Variants in SHISA9 observed in about 807,000 individuals in gnomAD.
The protein encoded by SHISA9 is protein shisa-9.
SHISA9 carries 13 observed loss-of-function variants against 38.0 expected under a neutral mutation model. That is an observed-to-expected ratio of 0.34 (90% CI 0.22 to 0.54). The LOEUF (loss-of-function observed/expected upper bound fraction) is 0.54. Among genes scored for constraint, SHISA9 ranks in the 20% least tolerant of loss-of-function variants. The pLI is 0.91. For missense variants in SHISA9, 538 were observed against 575.8 expected (o/e 0.93, Z 0.67); for synonymous variants, 275 against 242.0 (o/e 1.14, Z -1.27).
chr16:13,425,701 A>G, the SHISA9 span, among the ~76,000 whole-genome samples: 1 of 152,230 alleles, frequency 6.6e-6, no homozygotes, highest in South Asian at 2.1e-4. Context: ...TTTTAAAGAG[A>G]AAGAACCACT....
At chr16:13,233,452 T>C (rs542061500) in intron 4 of SHISA9, among the ~76,000 whole-genome samples, 1 of 152,332 alleles carries the variant, frequency 6.6e-6, no homozygotes, top group East Asian at 1.9e-4. Context: ...GGCCAAATAA[T>C]TCTACTTTTT....
the SHISA9 span, among the ~76,000 whole-genome samples, chr16:13,288,487 C>A: frequency 7.9e-5 from 12 of 151,688 alleles, no homozygotes; most frequent in Admixed American, 7.9e-4. Context: ...CAAAGAGAGA[C>A]AGAGAGAGAG....
chr16:13,343,180 T>A, the SHISA9 span, among the ~76,000 whole-genome samples: 1 of 152,316 alleles, frequency 6.6e-6, no homozygotes, highest in African/African-American at 2.4e-5. Context: ...ATAGAGAAAC[T>A]GGAAAACTTC....
the SHISA9 span, among the ~76,000 whole-genome samples, chr16:13,272,975 G>A: frequency 6.6e-6 from 1 of 151,958 alleles, no homozygotes; most frequent in Non-Finnish European, 1.5e-5. Flanking sequence ...GAACAACTGG[G>A]GTTATTGCTT....
chr16:13,127,437 G>GGA lies in SHISA9; in HGVS notation c.692-75948_692-75947dup, dbSNP rs761515363. Among the ~76,000 whole-genome samples the GGA allele has an allele frequency of 8.9e-4, 131 of 146,984 alleles. 2 individuals carry two copies. Among genetic ancestry groups the GGA allele is most frequent in the Non-Finnish European group, 2.4e-4 (16 of 66,280 alleles). On this transcript the variant is annotated intron_variant, in intron 2 of 4. Transcript: ENST00000558583. ...CAGAGGAGGAGGGAGAGAGGGATAG[G>GGA]GAGAGAGAGATCGAGGGAGGGAGAG...
In SHISA9 at chr16:12,992,289, C is replaced by G. The variant is rs184951636; in HGVS notation, c.691+75474C>G. On this transcript the variant is annotated intron_variant, in intron 2 of 4. Transcript: ENST00000558583. ...CTGTAATCCCCAGCACTTTGGGAGG[C>G]CGAGGCAGGTGGATCACTTGAGTTC... is the stretch of plus-strand genomic sequence containing the variant. Among the ~76,000 whole-genome samples the G allele has an allele frequency of 5.2e-4, 78 of 151,058 alleles. 1 individual carries two copies. The East Asian group carries it at 0.011, about 21-fold the overall frequency.
chr16:13,531,470 C>T, the SHISA9 span, among the ~76,000 whole-genome samples: 2 of 152,076 alleles, frequency 1.3e-5, no homozygotes, highest in Non-Finnish European at 2.9e-5. Flanking sequence ...TCAGAGAGGT[C>T]GAGTAATCTT....
chr16:13,195,476 G>C (rs1164717412), intron 2 of SHISA9, among the ~76,000 whole-genome samples: 3 of 152,156 alleles, frequency 2.0e-5, no homozygotes, highest in Non-Finnish European at 4.4e-5. Flanking sequence ...CTTCCATGAG[G>C]AATAATTCCA....
rs1280308690 is a variant in SHISA9, at chr16:13,236,996, G to C, written c.*1587G>C. 1 of 152,176 alleles carries C rather than the reference G, an allele frequency of 6.6e-6. No homozygotes were observed. Among genetic ancestry groups the C allele is most frequent in the Non-Finnish European group, 1.5e-5 (1 of 68,038 alleles). The allele number at this position is 152,176 out of a possible 1,614,324, so 9.4% of individuals were successfully genotyped here. A position where few individuals can be genotyped will look rare whatever the true frequency, so the allele number is the denominator to read the frequency against. ...TGTGTTTGTTTTGTGGAAGCCCAAA[G>C]AAGTGGATTGAGAGAGAAGAGATTT... On this transcript the variant is annotated 3_prime_UTR_variant, in exon 5 of 5. Transcript: ENST00000558583.
chr16:13,059,029 G>C (rs1321005507), intron 2 of SHISA9, among the ~76,000 whole-genome samples: 1 of 151,226 alleles, frequency 6.6e-6, no homozygotes. Context: ...TGAATGGTGT[G>C]TTCCCCCAAC....
At chr16:13,069,618 ATG>A (rs1280835940) in intron 2 of SHISA9, among the ~76,000 whole-genome samples, 7 of 152,232 alleles carry the variant, frequency 4.6e-5, no homozygotes, top group South Asian at 4.1e-4. Flanking sequence ...TGTACATGCA[ATG>A]TGTGTGTCTG....
the SHISA9 span, among the ~76,000 whole-genome samples, chr16:13,306,869 G>A: frequency 0.43 from 64,990 of 151,908 alleles, 14,381 homozygotes; most frequent in Admixed American, 0.54. Context: ...ACCCATACAC[G>A]TATGTATGTG....
At chr16:13,071,046 ATG>A (rs2073507603) in intron 2 of SHISA9, among the ~76,000 whole-genome samples, 1 of 152,136 alleles carries the variant, frequency 6.6e-6, no homozygotes, top group African/African-American at 2.4e-5. Flanking sequence ...AGGAACTAAC[ATG>A]TTCCACCTGC....
the SHISA9 span, among the ~76,000 whole-genome samples, chr16:13,317,674 A>C: frequency 6.6e-6 from 1 of 152,130 alleles, no homozygotes; most frequent in African/African-American, 2.4e-5. Flanking sequence ...GCCCTACCTC[A>C]CAGGGCTTGG....
intron 2 of SHISA9, among the ~76,000 whole-genome samples, chr16:13,007,972 A>G (rs1246524791): frequency 6.7e-6 from 1 of 150,264 alleles, no homozygotes. Flanking sequence ...TATTTCTTCT[A>G]CTCTCCTACA....
chr16:13,304,378 G>C, the SHISA9 span, among the ~76,000 whole-genome samples: 1 of 152,152 alleles, frequency 6.6e-6, no homozygotes, highest in East Asian at 1.9e-4. Flanking sequence ...TCCCACCTCA[G>C]CCTCCCAAGT....
intron 2 of SHISA9, among the ~76,000 whole-genome samples, chr16:12,925,658 A>G (rs2071384831): frequency 6.6e-6 from 1 of 152,200 alleles, no homozygotes; most frequent in African/African-American, 2.4e-5. Flanking sequence ...CTAAGTGCTC[A>G]ACACAGTGTC....
intron 2 of SHISA9, among the ~76,000 whole-genome samples, chr16:13,037,095 C>CAG (rs2073079735): frequency 5.6e-5 from 2 of 35,920 alleles, no homozygotes; most frequent in African/African-American, 2.9e-4. Context: ...ACACCACACA[C>CAG]ACACACACAC....
the SHISA9 span, among the ~76,000 whole-genome samples, chr16:13,367,701 C>CGTGT: frequency 1.5e-5 from 1 of 66,068 alleles, no homozygotes; most frequent in Admixed American, 1.7e-4. Flanking sequence ...TGTGCGTGCG[C>CGTGT]GCGCGCGCGC....
Sources: allele counts gnomAD v4.1 joint callset (sites outside exome capture counted in the v4.1 genomes callset), GRCh38; gene constraint gnomAD v4.1.1; transcripts MANE v1.5; gene names NCBI Gene and HGNC (gene_info 2026-07-23, HGNC 2026-07-21).